The following RSPO1 variants were observed in gnomAD, a reference collection of about 807,000 sequenced individuals.
The protein encoded by RSPO1 is R-spondin 1.
RSPO1 carries 18 observed loss-of-function variants against 26.0 expected under a neutral mutation model. That is an observed-to-expected ratio of 0.69 (90% CI 0.48 to 1.03). The LOEUF (loss-of-function observed/expected upper bound fraction) is 1.03, where lower values mean the gene tolerates loss of function less well. Ranked by LOEUF, RSPO1 falls within the 50% of genes least tolerant of loss-of-function variation. The probability of loss-of-function intolerance (pLI) is 0.00; values close to 1 mark genes in which losing one functional copy is unlikely to be tolerated. For missense variants in RSPO1, 309 were observed against 352.3 expected (o/e 0.88, Z 0.98); for synonymous variants, 133 against 137.4 (o/e 0.97, Z 0.22).
chr1:37,626,775 TGA>T (rs1237374759), intron 3 of RSPO1, among the ~76,000 whole-genome samples: 1 of 151,860 alleles, frequency 6.6e-6, no homozygotes, highest in Non-Finnish European at 1.5e-5. Flanking sequence ...GAGGCAGGAC[TGA>T]GAGAGGGGGC....
intron 3 of RSPO1, among the ~76,000 whole-genome samples, chr1:37,619,292 G>C (rs1256844280): frequency 6.6e-6 from 1 of 152,224 alleles, no homozygotes; most frequent in Admixed American, 6.5e-5. Flanking sequence ...AGAAGGCAGA[G>C]AGCTGGGAAA....
Position 37,629,517 on chromosome 1 carries a change from C to T in RSPO1, c.94+51G>A, listed in dbSNP as rs373804904. The T allele has an allele frequency of 5.5e-4, 836 of 1,512,468 alleles. 8 individuals carry two copies. The highest frequency in any genetic ancestry group is 4.1e-3 in the South Asian group (367 of 89,054). 93.7% of individuals were successfully genotyped at this position (1,512,468 alleles called of 1,614,324 possible). ...CTGAAGACCCCTAGTTCCTGGGTGG[C>T]CCCCTCCCATTCCCAAGGCCAGCTG... On this transcript the variant is annotated intron_variant, in intron 3 of 6. Coordinates refer to ENST00000356545, the MANE Select transcript of RSPO1 (RefSeq NM_001242908.2).
rs1216964994 is a variant in RSPO1, at chr1:37,611,842, T to C, written c.*913A>G. On this transcript the variant is annotated 3_prime_UTR_variant, in exon 7 of 7. Coordinates refer to ENST00000356545, the MANE Select transcript of RSPO1 (RefSeq NM_001242908.2). Reference sequence around the variant, plus strand: ...TTCTCAAATTTGGGTAACATGCCAATCATCAGGAATCTTAAAATTTAGACT... The same window carrying C: ...TTCTCAAATTTGGGTAACATGCCAACCATCAGGAATCTTAAAATTTAGACT... 1.3e-5 allele frequency: 2 copies of C among 152,738 alleles called. No homozygotes were observed. The highest frequency in any genetic ancestry group is 2.9e-5 in the Non-Finnish European group (2 of 68,416). 9.5% of individuals were successfully genotyped at this position (152,738 alleles called of 1,614,324 possible). A position where few individuals can be genotyped will look rare whatever the true frequency, so the allele number is the denominator to read the frequency against.
At chr1:37,616,815 G>T in intron 3 of RSPO1, 140 bp from the exon 4 acceptor site, 1 of 823,024 alleles carries the variant, frequency 1.2e-6, no homozygotes, top group Non-Finnish European at 2.0e-6. Context: ...CGGCCAGGCT[G>T]GCAGCTCTCT....
Position 37,613,978 on chromosome 1 carries a change from A to G in RSPO1, c.437-86T>C. The G allele has an allele frequency of 6.7e-7, 1 of 1,481,740 alleles. No individual in the cohort carries two copies. Among genetic ancestry groups the G allele is most frequent in the Non-Finnish European group, 9.4e-7 (1 of 1,062,084 alleles). 91.8% of individuals were successfully genotyped at this position (1,481,740 alleles called of 1,614,324 possible). On this transcript the variant is annotated intron_variant, in intron 5 of 6. Transcript: ENST00000356545. The surrounding 1 kb of genome is among the most constrained non-coding windows in gnomAD (Gnocchi z 4.5). ...CTGGCCCAGAATAGCCCAGGGGAGC[A>G]TCTCCCACTTTCCTTCTGCCTGGAC...
intron 2 of RSPO1, 87 bp from the exon 3 acceptor site, chr1:37,630,036 G>T: frequency 5.9e-6 from 4 of 675,072 alleles, no homozygotes; most frequent in Non-Finnish European, 8.0e-6. Context: ...AAGACTGGGA[G>T]CTCAAAATGT....
chr1:37,628,307 G>T (rs1644308143), intron 3 of RSPO1, among the ~76,000 whole-genome samples: 1 of 152,202 alleles, frequency 6.6e-6, no homozygotes, highest in African/African-American at 2.4e-5. Flanking sequence ...GAAAATCAAG[G>T]CCTTGCTGCT....
intron 3 of RSPO1, among the ~76,000 whole-genome samples, chr1:37,624,439 C>A (rs1644248011): frequency 6.6e-6 from 1 of 152,022 alleles, no homozygotes; most frequent in Non-Finnish European, 1.5e-5. Flanking sequence ...CTTCAGCACC[C>A]CCAGCTCTGC....
chr1:37,631,070 G>C (rs1644354139), intron 2 of RSPO1, among the ~76,000 whole-genome samples: 1 of 152,162 alleles, frequency 6.6e-6, no homozygotes, highest in South Asian at 2.1e-4. Flanking sequence ...CTGGAGTGGA[G>C]GTGCCCCTCC....
chr1:37,629,308 G>T (rs1456865511), intron 3 of RSPO1, among the ~76,000 whole-genome samples: 3 of 152,220 alleles, frequency 2.0e-5, no homozygotes, highest in African/African-American at 7.2e-5. Flanking sequence ...CAAGAGAGGG[G>T]TTAATCTAGA....
rs1235849266 is a variant in RSPO1 at position 37,613,044 on chromosome 1, A to G, written c.626-123T>C. The G allele has an allele frequency of 9.3e-7, 1 of 1,070,640 alleles. No homozygotes were observed. Among genetic ancestry groups the G allele is most frequent in the Non-Finnish European group, 1.4e-6 (1 of 714,648 alleles). 66.3% of individuals were successfully genotyped at this position (1,070,640 alleles called of 1,614,324 possible). On this transcript the variant is annotated intron_variant, in intron 6 of 6. Coordinates refer to ENST00000356545, the MANE Select transcript of RSPO1 (RefSeq NM_001242908.2). This position sits in a 1 kb window ranked among gnomAD's most constrained non-coding sequence, Gnocchi z 4.5. The stretch of plus-strand genomic sequence containing the variant: ...AGGGGAGGCAGGGAGGAGGCTGGAG[A>G]TGCTGCCTCTAGGTAGTTGGGTCAT...
intron 3 of RSPO1, among the ~76,000 whole-genome samples, chr1:37,627,099 C>T (rs1339286941): frequency 6.6e-6 from 1 of 152,104 alleles, no homozygotes; most frequent in Non-Finnish European, 1.5e-5. Flanking sequence ...TATAATAGCT[C>T]AGAATGAGAT....
At chr1:37,614,450 T>A in intron 4 of RSPO1, 117 bp from the exon 5 acceptor site, 1 of 1,174,614 alleles carries the variant, frequency 8.5e-7, no homozygotes, top group South Asian at 1.3e-5. Flanking sequence ...GGCAGGACCC[T>A]GGCCTAGAGC....
chr1:37,612,987 A>ACTCCCCTCCTAGGGCCTGT, intron 6 of RSPO1, 66 bp from the exon 7 acceptor site: 1 of 1,561,464 alleles, frequency 6.4e-7, no homozygotes, highest in Non-Finnish European at 8.8e-7. Context: ...GCATGGCCAC[A>ACTCCCCTCCTAGGGCCTGT]GGCCCTAGGA....
intron 4 of RSPO1, among the ~76,000 whole-genome samples, chr1:37,615,882 A>C (rs1210838262): frequency 6.6e-6 from 1 of 152,212 alleles, no homozygotes; most frequent in Middle Eastern, 3.2e-3. Context: ...TGGAGCTAGC[A>C]GTGGTTTTTA....
At chr1:37,633,693 C>A (rs1038610427) in intron 1 of RSPO1, among the ~76,000 whole-genome samples, 1 of 152,138 alleles carries the variant, frequency 6.6e-6, no homozygotes, top group Non-Finnish European at 1.5e-5. Flanking sequence ...TGTGCCTGTC[C>A]GACCTGTCGG....
intron 3 of RSPO1, among the ~76,000 whole-genome samples, chr1:37,626,830 T>C (rs544928084): frequency 6.6e-6 from 1 of 151,966 alleles, no homozygotes; most frequent in East Asian, 1.9e-4. Flanking sequence ...GGAGAATTAC[T>C]CAGTGCGAGG....
intron 3 of RSPO1, among the ~76,000 whole-genome samples, chr1:37,625,261 A>G (rs1050756014): frequency 2.6e-5 from 4 of 152,234 alleles, no homozygotes; most frequent in Admixed American, 6.5e-5. Context: ...CAAGGGTATA[A>G]GGTTGAGGAT....
chr1:37,617,182 G>A (rs577723791), intron 3 of RSPO1, among the ~76,000 whole-genome samples: 159 of 152,210 alleles, frequency 1.0e-3, no homozygotes, highest in Non-Finnish European at 2.0e-3. Flanking sequence ...TTGCTCCCCA[G>A]GGGACATTTG....
Sources: gnomAD v4.1 joint callset for allele counts (sites outside exome capture counted in the v4.1 genomes callset) on GRCh38, gnomAD v4.1.1 for gene constraint, Gnocchi (gnomAD v3.1) non-coding constraint, MANE v1.5 for transcripts, NCBI Gene and HGNC (gene_info 2026-07-23, HGNC 2026-07-21) for gene names.